The following ADAM32 variants were observed in gnomAD, a reference collection of about 807,000 sequenced individuals.
ADAM32 encodes disintegrin and metalloproteinase domain-containing protein 32.
A neutral mutation model predicts 114.9 loss-of-function variants in ADAM32; 89 were observed. The ratio of observed to expected loss-of-function variants is 0.77; its 90% CI spans 0.65 to 0.92. The LOEUF is 0.92. ADAM32 is among the 40% of genes least tolerant of loss of function. The probability of loss-of-function intolerance (pLI) is 0.00; values close to 1 mark genes in which losing one functional copy is unlikely to be tolerated. For synonymous variants in ADAM32, 285 were observed against 307.5 expected, an observed-to-expected ratio of 0.93 and a Z score of 0.77; for missense variants, 870 against 932.8, an observed-to-expected ratio of 0.93 and a Z score of 0.88.
At position 39,186,992 on chromosome 8, in the gene ADAM32, C is replaced by T; in HGVS notation, c.999C>T (p.Asp333=). ...TCAGTCTGGGAATATCATATGACGA[C>T]CCAAAGAAATGTCAATGTTCAGAAT... ...LALSLGISYD[D]PKKCQCSEST... is the part of the protein sequence containing the mutation. The change falls in exon 11 of 25, where the codon GAC becomes GAT. Residue 333 remains aspartate (D), a synonymous_variant. Coordinates refer to ENST00000379907, the MANE Select transcript of ADAM32 (RefSeq NM_145004.7). 2 of 1,613,074 alleles carry T rather than the reference C, an allele frequency of 1.2e-6. No individual in the cohort carries two copies. The highest frequency in any genetic ancestry group is 2.2e-5 in the South Asian group (2 of 90,972).
intron 11 of ADAM32, among the ~76,000 whole-genome samples, chr8:39,196,702 A>T (rs1807025255): frequency 6.6e-6 from 1 of 152,184 alleles, no homozygotes; most frequent in Admixed American, 6.5e-5. Flanking sequence ...TCATTATATA[A>T]TATATCTCCT....
chr8:39,157,603 G>T, intron 6 of ADAM32: 1 of 555,264 alleles, frequency 1.8e-6, no homozygotes, highest in South Asian at 1.5e-5. Flanking sequence ...TCTTCTCCAT[G>T]GTTTGGAAGC....
At chr8:39,180,145 C>G (rs557488667) in intron 10 of ADAM32, among the ~76,000 whole-genome samples, 1 of 152,178 alleles carries the variant, frequency 6.6e-6, no homozygotes, top group Non-Finnish European at 1.5e-5. Context: ...TGGGGCTGCG[C>G]GCAGCGCTTG....
intron 10 of ADAM32, among the ~76,000 whole-genome samples, chr8:39,173,532 G>T (rs1007051032): frequency 2.7e-5 from 4 of 150,876 alleles, no homozygotes; most frequent in African/African-American, 9.8e-5. Flanking sequence ...TTGTAAATAT[G>T]TTTAAGTTCC....
At chr8:39,206,782 T>C (rs1451510536) in intron 11 of ADAM32, among the ~76,000 whole-genome samples, 1 of 152,114 alleles carries the variant, frequency 6.6e-6, no homozygotes, top group Non-Finnish European at 1.5e-5. Flanking sequence ...TGTGGGGGTA[T>C]GTCAATGGGA....
chr8:39,112,631 A>G (rs1011249821), intron 1 of ADAM32, among the ~76,000 whole-genome samples: 5 of 143,914 alleles, frequency 3.5e-5, no homozygotes, highest in African/African-American at 5.0e-5. Flanking sequence ...AAATGGATAA[A>G]TACTGATATT....
intron 11 of ADAM32, among the ~76,000 whole-genome samples, chr8:39,198,344 A>G (rs1264154323): frequency 6.6e-6 from 1 of 152,072 alleles, no homozygotes; most frequent in African/African-American, 2.4e-5. Context: ...TCATTTGTCA[A>G]TTGTTTTCTG....
chr8:39,109,544 T>C (rs1840066722), intron 1 of ADAM32, among the ~76,000 whole-genome samples: 1 of 151,980 alleles, frequency 6.6e-6, no homozygotes, highest in Admixed American at 6.6e-5. Context: ...CAAAACTCCA[T>C]CTCAAAAAAT....
chr8:39,130,500 T>C (rs776170711), intron 2 of ADAM32, among the ~76,000 whole-genome samples: 2 of 152,182 alleles, frequency 1.3e-5, no homozygotes, highest in Non-Finnish European at 2.9e-5. Context: ...CTTCCTCTTC[T>C]CTTCTTTTCT....
At chr8:39,159,522 G>T (rs2129445932) in intron 6 of ADAM32, among the ~76,000 whole-genome samples, 1 of 152,316 alleles carries the variant, frequency 6.6e-6, no homozygotes, top group East Asian at 1.9e-4. Flanking sequence ...CCCAGTATAT[G>T]CCTGAGGTTT....
intron 17 of ADAM32, among the ~76,000 whole-genome samples, chr8:39,250,520 G>T (rs373780536): frequency 2.6e-5 from 4 of 151,978 alleles, no homozygotes; most frequent in East Asian, 3.9e-4. Flanking sequence ...AGCATATGAA[G>T]TATAATTGTT....
At chr8:39,182,302 G>A (rs1436330197) in intron 10 of ADAM32, among the ~76,000 whole-genome samples, 1 of 152,118 alleles carries the variant, frequency 6.6e-6, no homozygotes, top group Non-Finnish European at 1.5e-5. Flanking sequence ...AAGTTAAACA[G>A]TAAAGCTCTG....
At chr8:39,160,753 C>T (rs1036302069) in intron 6 of ADAM32, 144 bp from the exon 7 acceptor site, 7 of 704,318 alleles carry the variant, frequency 9.9e-6, no homozygotes, top group African/African-American at 3.7e-5. Context: ...AAACTTAAAA[C>T]TTTATTTATT....
At chr8:39,134,953 C>T (rs1362833013) in intron 2 of ADAM32, among the ~76,000 whole-genome samples, 1 of 152,030 alleles carries the variant, frequency 6.6e-6, no homozygotes, top group Non-Finnish European at 1.5e-5. Context: ...GTTGGGAGTT[C>T]GAGACCAGCC....
At chr8:39,121,967 C>T (rs945918001) in intron 2 of ADAM32, among the ~76,000 whole-genome samples, 4 of 152,252 alleles carry the variant, frequency 2.6e-5, no homozygotes, top group African/African-American at 9.6e-5. Flanking sequence ...GGATTGTCAC[C>T]CCTTTCTTTT....
At chr8:39,152,720 C>CAA (rs112877602) in intron 6 of ADAM32, among the ~76,000 whole-genome samples, 10 of 136,892 alleles carry the variant, frequency 7.3e-5, no homozygotes, top group African/African-American at 3.1e-4. Context: ...GACTCCATCT[C>CAA]AAAAAAAAAA....
chr8:39,145,175 A>G (rs556583287), intron 3 of ADAM32, among the ~76,000 whole-genome samples: 2 of 152,336 alleles, frequency 1.3e-5, no homozygotes, highest in Admixed American at 6.5e-5. Flanking sequence ...AGACACAAAT[A>G]TATGGAAAGA....
At chr8:39,284,688 C>T (rs536198319) in intron 24 of ADAM32, 105 bp from the exon 25 acceptor site, 13 of 1,231,682 alleles carry the variant, frequency 1.1e-5, no homozygotes, top group Non-Finnish European at 1.3e-5. Flanking sequence ...TTCTTTTTTT[C>T]GTGCCACATG....
At chr8:39,191,942 G>T (rs1230926269) in intron 11 of ADAM32, among the ~76,000 whole-genome samples, 1 of 152,152 alleles carries the variant, frequency 6.6e-6, no homozygotes, top group Non-Finnish European at 1.5e-5. Flanking sequence ...TGTAAAGAAG[G>T]AGTGTCAGCA....
Sources: allele counts gnomAD v4.1 joint callset (sites outside exome capture counted in the v4.1 genomes callset), GRCh38; gene constraint gnomAD v4.1.1; transcripts MANE v1.5; gene names NCBI Gene and HGNC (gene_info 2026-07-23, HGNC 2026-07-21).